ANKRD31: variants seen among roughly 807,000 people sequenced by gnomAD.
The protein encoded by ANKRD31 is ankyrin repeat domain-containing protein 31.
A neutral mutation model predicts 186.0 loss-of-function variants in ANKRD31; 147 were observed. The ratio of observed to expected loss-of-function variants is 0.79; its 90% CI spans 0.69 to 0.91. The LOEUF (loss-of-function observed/expected upper bound fraction) is 0.91. Among genes scored for constraint, ANKRD31 ranks in the 40% least tolerant of loss-of-function variants. The pLI is 0.00. For missense variants in ANKRD31, 1,986 were observed against 2,148.8 expected (o/e 0.92, Z 1.50); for synonymous variants, 673 against 736.4 (o/e 0.91, Z 1.39).
chr5:75,099,331 GC>G, intron 22 of ANKRD31, among the ~76,000 whole-genome samples: 1 of 152,166 alleles, frequency 6.6e-6, no homozygotes, highest in East Asian at 1.9e-4. Flanking sequence ...GATTCAGTTT[GC>G]CAGTATTTTA....
chr5:75,153,026 G>A (rs1751941552), intron 12 of ANKRD31, among the ~76,000 whole-genome samples: 1 of 151,976 alleles, frequency 6.6e-6, no homozygotes, highest in Admixed American at 6.6e-5. Context: ...TTTAAGATTA[G>A]GTTATGAAAA....
chr5:75,154,107 T>C, intron 12 of ANKRD31, 94 bp downstream of exon 12: 9 of 1,217,658 alleles, frequency 7.4e-6, no homozygotes, highest in Non-Finnish European at 9.6e-6. Context: ...TCAACACTCA[T>C]GAGAAAAATA....
chr5:75,090,116 T>TTG (rs1335249879), intron 23 of ANKRD31, among the ~76,000 whole-genome samples: 3 of 152,184 alleles, frequency 2.0e-5, no homozygotes, highest in East Asian at 1.9e-4. Context: ...GTAAGAAACC[T>TTG]TGTAACAAAA....
chr5:75,108,036 T>C (rs951106052), intron 20 of ANKRD31, among the ~76,000 whole-genome samples: 2 of 151,988 alleles, frequency 1.3e-5, no homozygotes, highest in African/African-American at 4.8e-5. Context: ...TTTACATAGA[T>C]GAAAAGTAAG....
At chr5:75,219,276 G>A (rs2150303068) in intron 3 of ANKRD31, among the ~76,000 whole-genome samples, 1 of 152,268 alleles carries the variant, frequency 6.6e-6, no homozygotes. Context: ...GAGCTGATAA[G>A]CAACTTCAGC....
chr5:75,138,014 G>GGA lies in ANKRD31; in HGVS notation c.3734-17_3734-16insTC. 2 of 1,262,678 alleles carry GGA rather than the reference G, an allele frequency of 1.6e-6. No homozygotes were observed. Among genetic ancestry groups the GGA allele is most frequent in the Non-Finnish European group, 1.0e-6 (1 of 969,968 alleles). 78.2% of individuals were successfully genotyped at this position (1,262,678 alleles called of 1,614,324 possible). A position where few individuals can be genotyped will look rare whatever the true frequency, so the allele number is the denominator to read the frequency against. On this transcript the variant is annotated splice_polypyrimidine_tract_variant and intron_variant, in intron 16 of 25. Coordinates refer to ENST00000506364, the MANE Select transcript of ANKRD31 (RefSeq NM_001372053.1). ...GGTGTCCAACCTAAAAAAAGAAAAA[G>GGA]AAAAAAAAAAACCCTGCTTCATGCG...
intron 13 of ANKRD31, 83 bp from the exon 14 acceptor site, chr5:75,147,588 T>G (rs1751569649): frequency 1.0e-6 from 1 of 968,736 alleles, no homozygotes; most frequent in Admixed American, 3.4e-5. Flanking sequence ...ATAAATCAAC[T>G]ATTATTTGAT....
intron 2 of ANKRD31, among the ~76,000 whole-genome samples, chr5:75,229,354 G>C (rs1241236607): frequency 6.6e-6 from 1 of 152,110 alleles, no homozygotes; most frequent in Admixed American, 6.5e-5. Flanking sequence ...TCTAGGGCTA[G>C]GCTAGAGATT....
rs559685294 is a variant in ANKRD31 at position 75,097,219 on chromosome 5, C to T, written c.5332-5818G>A. On this transcript the variant is annotated intron_variant, in intron 22 of 25. Coordinates refer to ENST00000506364, the MANE Select transcript of ANKRD31 (RefSeq NM_001372053.1). ...CAAATGGTATTTCTAGTTCTAGATC[C>T]TTGAGGAATCACCACACTGTCTTCC... is the stretch of plus-strand genomic sequence containing the variant. 5.8e-4 allele frequency among the ~76,000 whole-genome samples: 89 copies of T among 152,288 alleles called. 1 individual carries two copies. Among genetic ancestry groups the T allele is most frequent in the African/African-American group, 2.0e-3 (85 of 41,554 alleles).
intron 25 of ANKRD31, among the ~76,000 whole-genome samples, chr5:75,073,413 T>C (rs1388136135): frequency 2.6e-5 from 4 of 152,192 alleles, no homozygotes; most frequent in Non-Finnish European, 5.9e-5. Context: ...CATCACTATG[T>C]TGTTTACACA....
At chr5:75,081,700 C>CAGAGAGAGAGAGAGAGAGAGACAG (rs935046250) in intron 24 of ANKRD31, among the ~76,000 whole-genome samples, 2 of 137,006 alleles carry the variant, frequency 1.5e-5, no homozygotes, top group Admixed American at 7.5e-5. Context: ...GAGAGAGAGA[C>CAGAGAGAGAGAGAGAGAGAGACAG]AGAGAGAGAG....
At chr5:75,189,378 C>T (rs1754949871) in intron 9 of ANKRD31, among the ~76,000 whole-genome samples, 2 of 152,148 alleles carry the variant, frequency 1.3e-5, no homozygotes, top group Non-Finnish European at 2.9e-5. Context: ...TTCAGAGTAG[C>T]TTGATGATAG....
intron 4 of ANKRD31, among the ~76,000 whole-genome samples, chr5:75,210,340 A>C (rs1756535639): frequency 6.6e-6 from 1 of 152,090 alleles, no homozygotes; most frequent in African/African-American, 2.4e-5. Context: ...CGCCCGGCTA[A>C]TTTTGTATTT....
At chr5:75,129,780 C>T (rs779414353) in intron 17 of ANKRD31, among the ~76,000 whole-genome samples, 3 of 152,182 alleles carry the variant, frequency 2.0e-5, no homozygotes, top group Non-Finnish European at 4.4e-5. Context: ...CTCACTGGGG[C>T]TTGTCGGACA....
At chr5:75,128,268 G>C (rs1349174337) in intron 17 of ANKRD31, among the ~76,000 whole-genome samples, 1 of 149,316 alleles carries the variant, frequency 6.7e-6, no homozygotes, top group Admixed American at 6.7e-5. Flanking sequence ...GGGGGTGGGG[G>C]ACTAGGGGAG....
chr5:75,162,539 G>T (rs1752639614), intron 11 of ANKRD31, among the ~76,000 whole-genome samples: 1 of 152,190 alleles, frequency 6.6e-6, no homozygotes, highest in Admixed American at 6.5e-5. Context: ...GCTGAAATGG[G>T]TTAAGACTTT....
chr5:75,190,145 G>A (rs1025273200), intron 9 of ANKRD31, among the ~76,000 whole-genome samples: 7 of 151,656 alleles, frequency 4.6e-5, no homozygotes, highest in Admixed American at 4.6e-4. Flanking sequence ...TCAGCCTCCC[G>A]AGTAGCTGGG....
chr5:75,137,710 T>C (rs1750704749), intron 17 of ANKRD31, 146 bp downstream of exon 17: 1 of 664,642 alleles, frequency 1.5e-6, no homozygotes, highest in Admixed American at 3.7e-5. Context: ...TATATATTAT[T>C]GTATCTTCAT....
At position 75,193,430 on chromosome 5, in the gene ANKRD31, C is replaced by A; in HGVS notation, c.1179G>T (p.Leu393=). ...AGTACTTTGCATCTCTGCTTACTTTCAGTTTTTCTAGTCTGGATGATCTCC... is the reference window on the plus strand; with the variant it reads ...AGTACTTTGCATCTCTGCTTACTTTAAGTTTTTCTAGTCTGGATGATCTCC... The part of the protein sequence containing the change: ...VLRRSSRLEK[L]KVSRDAKYSD... The change falls in exon 8 of 26, where the codon CTG becomes CTT. Residue 393 remains leucine, a synonymous_variant. Coordinates refer to ENST00000506364, the MANE Select transcript of ANKRD31 (RefSeq NM_001372053.1). The A allele has an allele frequency of 6.5e-7, 1 of 1,537,298 alleles. No individual in the cohort carries two copies. The highest frequency in any genetic ancestry group is 8.7e-7 in the Non-Finnish European group (1 of 1,146,810).
Sources: gnomAD v4.1 joint callset for allele counts (sites outside exome capture counted in the v4.1 genomes callset) on GRCh38, gnomAD v4.1.1 for gene constraint, MANE v1.5 for transcripts, NCBI Gene and HGNC (gene_info 2026-07-23, HGNC 2026-07-21) for gene names.